ATP6V1A: variants seen among roughly 807,000 people sequenced by gnomAD.
ATP6V1A encodes the protein ATPase H+ transporting V1 subunit A, also known as V-type proton ATPase catalytic subunit A.
In ATP6V1A, 18 loss-of-function variants were observed where a neutral mutation model predicts 70.1. The ratio of observed to expected loss-of-function variants is 0.26; its 90% CI spans 0.18 to 0.38. ATP6V1A has a LOEUF of 0.38. Among genes scored for constraint, ATP6V1A ranks in the 10% least tolerant of loss-of-function variants. ATP6V1A has a pLI of 1.00. For synonymous variants in ATP6V1A, 232 were observed against 253.8 expected (o/e 0.91, Z 0.82); for missense variants, 424 against 772.4 (o/e 0.55, Z 5.35).
chr3:113,755,028 TTAATG>T (rs1308748207), intron 1 of ATP6V1A, among the ~76,000 whole-genome samples: 1 of 152,184 alleles, frequency 6.6e-6, no homozygotes, highest in South Asian at 2.1e-4. Context: ...TATATGTGCT[TTAATG>T]TAAGCTGTCC....
At chr3:113,768,798 G>A (rs1436603599) in intron 1 of ATP6V1A, among the ~76,000 whole-genome samples, 9 of 151,988 alleles carry the variant, frequency 5.9e-5, no homozygotes, top group African/African-American at 1.7e-4. Context: ...ATTTCGCCAC[G>A]TTGGCCAGGC....
chr3:113,790,527 A>G (rs1202966170), intron 8 of ATP6V1A, among the ~76,000 whole-genome samples: 1 of 152,178 alleles, frequency 6.6e-6, no homozygotes, highest in Non-Finnish European at 1.5e-5. Context: ...GATATAAAAG[A>G]TAAGACAATT....
At chr3:113,806,144 A>T (rs1709273643) in intron 14 of ATP6V1A, among the ~76,000 whole-genome samples, 1 of 152,044 alleles carries the variant, frequency 6.6e-6, no homozygotes. Flanking sequence ...TGTGGGGCAC[A>T]CACCTGTAGT....
At chr3:113,764,452 AAAAT>A (rs1708744060) in intron 1 of ATP6V1A, among the ~76,000 whole-genome samples, 1 of 152,232 alleles carries the variant, frequency 6.6e-6, no homozygotes, top group South Asian at 2.1e-4. Flanking sequence ...TTATGTAAAA[AAAAT>A]TAATTGGGAA....
At chr3:113,789,070 G>A (rs750012979) in intron 7 of ATP6V1A, among the ~76,000 whole-genome samples, 195 bp downstream of exon 7, 1 of 152,114 alleles carries the variant, frequency 6.6e-6, no homozygotes, top group African/African-American at 2.4e-5. Flanking sequence ...TGTGTGTGAT[G>A]GAGTTTCACT....
rs746407800 is a variant in ATP6V1A at position 113,778,784 on chromosome 3, G to A, written c.31G>A (p.Asp11Asn). 6.9e-6 allele frequency: 11 copies of A among 1,593,718 alleles called. No homozygotes were observed. The East Asian group carries it at 1.6e-4, about 23-fold the overall frequency. The change falls in exon 2 of 15, where the codon GAT (aspartate) becomes AAT (asparagine). Residue 11 changes from aspartate to asparagine, a missense_variant. Transcript: ENST00000273398. ...TTTTTCCAAGCTACCCAAAATACTC[G>A]ATGAAGATAAAGAAAGCACATTTGG... MDFSKLPKIL[D>N]EDKESTFGYV...
At position 113,764,070 on chromosome 3, in the gene ATP6V1A, T is replaced by G. The variant is rs543879476; in HGVS notation, c.-13-14671T>G. Among the ~76,000 whole-genome samples, 54 of 152,128 alleles carry G rather than the reference T, an allele frequency of 3.5e-4. 2 individuals carry two copies. In the South Asian group the frequency reaches 9.3e-3, roughly 26 times the overall value. ...GCCTGGGTAACAGAATGAGACTTTGTCTTTACATAAAAATCAAAAAGCTGG... is the reference window on the plus strand; with the variant it reads ...GCCTGGGTAACAGAATGAGACTTTGGCTTTACATAAAAATCAAAAAGCTGG... On this transcript the variant is annotated intron_variant, in intron 1 of 14. Coordinates refer to ENST00000273398, the MANE Select transcript of ATP6V1A (RefSeq NM_001690.4).
chr3:113,764,847 T>TAGCTCATGCCTGTAATCCC (rs1353032990), intron 1 of ATP6V1A, among the ~76,000 whole-genome samples: 3 of 152,042 alleles, frequency 2.0e-5, no homozygotes, highest in African/African-American at 7.2e-5. Flanking sequence ...CCTGTAATCC[T>TAGCTCATGCCTGTAATCCC]AGCTCATGCC....
chr3:113,788,951 G>C (rs534715474), intron 7 of ATP6V1A, 76 bp downstream of exon 7: 1 of 1,370,042 alleles, frequency 7.3e-7, no homozygotes, highest in Admixed American at 1.9e-5. Context: ...ATAAAGCTTT[G>C]TGTTGGGTCT....
chr3:113,791,951 C>T (rs1577092631), intron 8 of ATP6V1A, among the ~76,000 whole-genome samples: 1 of 149,718 alleles, frequency 6.7e-6, no homozygotes, highest in East Asian at 2.0e-4. Context: ...TGCATGGCCT[C>T]AGATGAATTC....
At chr3:113,766,042 T>A (rs992202928) in intron 1 of ATP6V1A, among the ~76,000 whole-genome samples, 12 of 152,164 alleles carry the variant, frequency 7.9e-5, no homozygotes, top group Non-Finnish European at 1.8e-4. Context: ...TTCTCCCTTG[T>A]GCTTGCGTTT....
Position 113,769,483 on chromosome 3 carries a change from C to T in ATP6V1A, c.-13-9258C>T, listed in dbSNP as rs186665498. 2.9e-3 allele frequency among the ~76,000 whole-genome samples: 447 copies of T among 152,176 alleles called. 2 individuals carry two copies. Among genetic ancestry groups the T allele is most frequent in the African/African-American group, 9.6e-3 (398 of 41,506 alleles). Reference sequence around the variant, plus strand: ...ATAATGCTTCATTATCAATGAAGTGCCCCAGGATTTTGTATGTGAGTAAAT... The same window carrying T: ...ATAATGCTTCATTATCAATGAAGTGTCCCAGGATTTTGTATGTGAGTAAAT... On this transcript the variant is annotated intron_variant, in intron 1 of 14. Transcript: ENST00000273398.
chr3:113,774,474 A>G (rs966193420), intron 1 of ATP6V1A, among the ~76,000 whole-genome samples: 3 of 152,154 alleles, frequency 2.0e-5, no homozygotes, highest in Non-Finnish European at 4.4e-5. Context: ...CTAAGGACAC[A>G]ACTTATAAAT....
intron 1 of ATP6V1A, among the ~76,000 whole-genome samples, chr3:113,771,702 G>A (rs1234452370): frequency 6.6e-6 from 1 of 152,028 alleles, no homozygotes; most frequent in Non-Finnish European, 1.5e-5. Context: ...TTCCCAAAGT[G>A]CTGGGATTAC....
At chr3:113,756,313 A>G (rs555962525) in intron 1 of ATP6V1A, among the ~76,000 whole-genome samples, 1 of 152,308 alleles carries the variant, frequency 6.6e-6, no homozygotes, top group South Asian at 2.1e-4. Flanking sequence ...AAACAGTGCT[A>G]TAGTTAATAT....
Position 113,789,841 on chromosome 3 carries a change from G to A in ATP6V1A, c.988+1G>A. The A allele has an allele frequency of 6.3e-7, 1 of 1,576,184 alleles. No individual in the cohort carries two copies. Among genetic ancestry groups the A allele is most frequent in the Non-Finnish European group, 8.7e-7 (1 of 1,145,670 alleles). On this transcript the variant is annotated splice_donor_variant, in intron 8 of 14. Coordinates refer to ENST00000273398, the MANE Select transcript of ATP6V1A (RefSeq NM_001690.4). LOFTEE classifies it high-confidence loss of function. ...GCTAGAGAAGCCTCTATTTATACTG[G>A]TGAGTATATAATTGGAATAAAAGCA...
At chr3:113,796,398 A>C (rs1373846818) in intron 11 of ATP6V1A, among the ~76,000 whole-genome samples, 2 of 152,166 alleles carry the variant, frequency 1.3e-5, no homozygotes, top group Non-Finnish European at 2.9e-5. Flanking sequence ...ATCTGCATCT[A>C]GCTGACACAA....
intron 6 of ATP6V1A, among the ~76,000 whole-genome samples, chr3:113,787,577 T>C (rs1709050929): frequency 6.6e-6 from 1 of 152,184 alleles, no homozygotes; most frequent in Admixed American, 6.5e-5. Context: ...GTATAAATTA[T>C]TACCAAGCAA....
At chr3:113,770,820 C>T (rs757491896) in intron 1 of ATP6V1A, among the ~76,000 whole-genome samples, 13 of 151,986 alleles carry the variant, frequency 8.6e-5, no homozygotes, top group Admixed American at 8.5e-4. Flanking sequence ...TCAGGCCAGG[C>T]GTGATAGCTC....
Sources: gnomAD v4.1 joint callset for allele counts (sites outside exome capture counted in the v4.1 genomes callset) on GRCh38, gnomAD v4.1.1 for gene constraint, MANE v1.5 for transcripts, NCBI Gene and HGNC (gene_info 2026-07-23, HGNC 2026-07-21) for gene names.